Variants in FHIT observed in about 807,000 individuals in gnomAD.
FHIT encodes the protein bis(5'-adenosyl)-triphosphatase.
In FHIT, 19 loss-of-function variants were observed where a neutral mutation model predicts 17.9. That is an observed-to-expected ratio of 1.06 (90% CI 0.74 to 1.56). The LOEUF (loss-of-function observed/expected upper bound fraction) is 1.56. Ranked by LOEUF, FHIT falls within the 40% of genes most tolerant of loss-of-function variation. FHIT has a pLI of 0.00. For missense variants in FHIT, 248 were observed against 189.2 expected (o/e 1.31, Z -1.82); for synonymous variants, 81 against 69.7 (o/e 1.16, Z -0.81).
At chr3:60,344,957 A>G (rs1341465529) in intron 5 of FHIT, among the ~76,000 whole-genome samples, 2 of 152,162 alleles carry the variant, frequency 1.3e-5, no homozygotes, top group African/African-American at 2.4e-5. Flanking sequence ...AACTATTTCA[A>G]AACAAATCCC....
intron 4 of FHIT, among the ~76,000 whole-genome samples, chr3:60,756,332 C>T (rs2042570614): frequency 6.6e-6 from 1 of 151,988 alleles, no homozygotes; most frequent in African/African-American, 2.4e-5. Flanking sequence ...TCACATTGTC[C>T]CTTAGAAGCT....
chr3:60,354,984 A>T (rs1699584002), intron 5 of FHIT, among the ~76,000 whole-genome samples: 1 of 152,184 alleles, frequency 6.6e-6, no homozygotes, highest in South Asian at 2.1e-4. Context: ...TCAATCAGTT[A>T]TCTGTAAACT....
chr3:60,545,943 G>A (rs1486610469), intron 4 of FHIT, among the ~76,000 whole-genome samples: 6 of 152,068 alleles, frequency 3.9e-5, no homozygotes, highest in East Asian at 3.9e-4. Context: ...AATGTCTAAC[G>A]CCATAAATTA....
Position 60,189,422 on chromosome 3 carries a change from C to T in FHIT, c.104-175270G>A, listed in dbSNP as rs115186564. On this transcript the variant is annotated intron_variant, in intron 5 of 9. Coordinates refer to ENST00000492590, the MANE Select transcript of FHIT (RefSeq NM_002012.4). ...TTTGAGTATCATTTACTGAAATCTTCCCACAATCAATCATTCAGGCTTTTA... is the reference window on the plus strand; with the variant it reads ...TTTGAGTATCATTTACTGAAATCTTTCCACAATCAATCATTCAGGCTTTTA... 5.3e-3 allele frequency among the ~76,000 whole-genome samples: 809 copies of T among 152,192 alleles called. 3 individuals are homozygous for T. The highest frequency in any genetic ancestry group is 0.018 in the African/African-American group (762 of 41,526).
At chr3:60,495,916 G>T (rs1318543867) in intron 5 of FHIT, among the ~76,000 whole-genome samples, 4 of 152,068 alleles carry the variant, frequency 2.6e-5, no homozygotes, top group African/African-American at 9.7e-5. Context: ...TTTATGTCAA[G>T]ACCATGGGGA....
intron 3 of FHIT, among the ~76,000 whole-genome samples, chr3:60,982,646 T>C (rs1710544550): frequency 6.6e-6 from 1 of 152,230 alleles, no homozygotes. Context: ...GGACTCTCCC[T>C]GTCTCACTCT....
intron 7 of FHIT, among the ~76,000 whole-genome samples, chr3:59,969,362 A>C (rs535554586): frequency 2.0e-5 from 3 of 152,218 alleles, no homozygotes; most frequent in Admixed American, 6.5e-5. Context: ...TCTTTTCTCA[A>C]AGAAAGCTTC....
At chr3:60,116,632 C>A (rs1018563703) in intron 5 of FHIT, among the ~76,000 whole-genome samples, 9 of 152,080 alleles carry the variant, frequency 5.9e-5, no homozygotes, top group African/African-American at 2.2e-4. Flanking sequence ...CCTGGCATTT[C>A]TAATTAAATA....
At chr3:60,395,448 C>T (rs1701400279) in intron 5 of FHIT, among the ~76,000 whole-genome samples, 1 of 152,158 alleles carries the variant, frequency 6.6e-6, no homozygotes, top group South Asian at 2.1e-4. Context: ...ATAGCCTTCA[C>T]TCTTAATCAT....
intron 3 of FHIT, among the ~76,000 whole-genome samples, chr3:60,859,492 T>C (rs1291078313): frequency 6.6e-6 from 1 of 151,970 alleles, no homozygotes; most frequent in African/African-American, 2.4e-5. Context: ...TGGGTCCAAA[T>C]GACTGAGTTC....
intron 5 of FHIT, among the ~76,000 whole-genome samples, chr3:60,515,749 T>C (rs781123801): frequency 6.6e-6 from 1 of 152,164 alleles, no homozygotes; most frequent in African/African-American, 2.4e-5. Context: ...ATTTTGCATA[T>C]ATTAACTCAC....
intron 5 of FHIT, among the ~76,000 whole-genome samples, chr3:60,051,343 T>TTTG (rs1382467458): frequency 2.0e-5 from 3 of 148,352 alleles, no homozygotes; most frequent in East Asian, 3.9e-4. Context: ...TTTTTTTTTT[T>TTTG]GTAACAGCAG....
At chr3:61,146,962 C>A (rs1285018191) in intron 2 of FHIT, among the ~76,000 whole-genome samples, 1 of 151,962 alleles carries the variant, frequency 6.6e-6, no homozygotes, top group African/African-American at 2.4e-5. Context: ...TGGGTGATAT[C>A]TTTATGTACA....
chr3:60,891,343 A>T (rs1553760636), intron 3 of FHIT, among the ~76,000 whole-genome samples: 1 of 152,178 alleles, frequency 6.6e-6, no homozygotes, highest in Non-Finnish European at 1.5e-5. Flanking sequence ...GCATGGGCAC[A>T]CCACCCAGAT....
chr3:59,983,595 C>T (rs982220689), intron 7 of FHIT, among the ~76,000 whole-genome samples: 2 of 152,128 alleles, frequency 1.3e-5, no homozygotes, highest in Admixed American at 1.3e-4. Context: ...GTACCATCTG[C>T]AGTTTTAGGC....
chr3:59,851,322 A>G (rs180819470), intron 8 of FHIT, among the ~76,000 whole-genome samples: 1 of 152,334 alleles, frequency 6.6e-6, no homozygotes, highest in East Asian at 1.9e-4. Flanking sequence ...TTAATAGAAA[A>G]TGTTAAGATT....
At position 60,143,029 on chromosome 3, in the gene FHIT, A is replaced by G. The variant is rs542892396; in HGVS notation, c.104-128877T>C. 3.3e-5 allele frequency among the ~76,000 whole-genome samples: 5 copies of G among 152,292 alleles called. No individual in the cohort carries two copies. In the East Asian group the frequency reaches 7.7e-4, roughly 24 times the overall value. ...ACTAGTTTGTCTTCAGCTTTCTGGCATCCAACACAAGAAAGAAAACTGGGT... is the reference window on the plus strand; with the variant it reads ...ACTAGTTTGTCTTCAGCTTTCTGGCGTCCAACACAAGAAAGAAAACTGGGT... On this transcript the variant is annotated intron_variant, in intron 5 of 9. Coordinates refer to ENST00000492590, the MANE Select transcript of FHIT (RefSeq NM_002012.4).
chr3:60,805,660 A>C (rs1456081802), intron 4 of FHIT, among the ~76,000 whole-genome samples: 3 of 152,024 alleles, frequency 2.0e-5, no homozygotes, highest in African/African-American at 7.3e-5. Flanking sequence ...GGTTCGTGCC[A>C]TTCTCCTGCC....
At chr3:60,669,998 T>C (rs1553693437) in intron 4 of FHIT, among the ~76,000 whole-genome samples, 1 of 152,346 alleles carries the variant, frequency 6.6e-6, no homozygotes, top group East Asian at 1.9e-4. Context: ...CACATACTTA[T>C]CACTGTGTGG....
Sources: gnomAD v4.1 joint callset for allele counts (sites outside exome capture counted in the v4.1 genomes callset) on GRCh38, gnomAD v4.1.1 for gene constraint, MANE v1.5 for transcripts, NCBI Gene and HGNC (gene_info 2026-07-23, HGNC 2026-07-21) for gene names.